Variants in AGBL1 observed in about 807,000 individuals in gnomAD.
The protein encoded by AGBL1 is cytosolic carboxypeptidase 4.
Under a neutral mutation model 118.9 loss-of-function variants are expected in AGBL1, and 130 were observed. That is an observed-to-expected ratio of 1.09 (90% CI 0.95 to 1.26). The LOEUF (loss-of-function observed/expected upper bound fraction) is 1.26, where lower values mean the gene tolerates loss of function less well. AGBL1 is among the 50% of genes most tolerant of loss of function. The probability of loss-of-function intolerance (pLI) is 0.00; values close to 1 mark genes in which losing one functional copy is unlikely to be tolerated. For missense variants in AGBL1, 1,584 were observed against 1,298.1 expected (o/e 1.22, Z -3.38); for synonymous variants, 555 against 478.9 (o/e 1.16, Z -2.08).
Position 86,706,503 on chromosome 15 carries a change from A to G in AGBL1, c.3158+32067A>G, listed in dbSNP as rs184967678. 1.7e-3 allele frequency among the ~76,000 whole-genome samples: 265 copies of G among 152,068 alleles called. 3 individuals are homozygous for G. In the East Asian group the frequency reaches 0.022, roughly 13 times the overall value. On this transcript the variant is annotated intron_variant, in intron 22 of 22. Coordinates refer to ENST00000614907, the MANE Select transcript of AGBL1 (RefSeq NM_001386094.1). ...TGCTAACCTTCTCCCACAACCTTGC[A>G]CTCATCTCCTTGAGAACATATTCTT...
intron 21 of AGBL1, among the ~76,000 whole-genome samples, chr15:86,638,335 G>C (rs1467518139): frequency 6.6e-6 from 1 of 152,174 alleles, no homozygotes; most frequent in Admixed American, 6.5e-5. Context: ...CAATGGTGTG[G>C]GATCTGGCTC....
intron 22 of AGBL1, among the ~76,000 whole-genome samples, chr15:86,895,596 G>A (rs563548696): frequency 1.3e-5 from 2 of 151,982 alleles, no homozygotes; most frequent in East Asian, 3.9e-4. Flanking sequence ...GCATTGACAA[G>A]ACATAATTAA....
At chr15:86,603,471 G>A (rs1025761687) in intron 21 of AGBL1, among the ~76,000 whole-genome samples, 2 of 151,708 alleles carry the variant, frequency 1.3e-5, no homozygotes, top group Non-Finnish European at 2.9e-5. Context: ...CTTGGCTAAA[G>A]GTTAGTGCAA....
At chr15:86,302,081 G>A (rs1036705400) in intron 17 of AGBL1, among the ~76,000 whole-genome samples, 2 of 151,910 alleles carry the variant, frequency 1.3e-5, no homozygotes, top group African/African-American at 4.8e-5. Context: ...GTGTGACATC[G>A]AGGATGGTTG....
At chr15:86,966,435 A>C (rs2081053677) in intron 23 of AGBL1, among the ~76,000 whole-genome samples, 1 of 151,894 alleles carries the variant, frequency 6.6e-6, no homozygotes, top group South Asian at 2.1e-4. Context: ...GTAACTCGTC[A>C]TTTAACATGA....
chr15:86,801,769 T>C (rs1425107645), intron 22 of AGBL1, among the ~76,000 whole-genome samples: 1 of 152,148 alleles, frequency 6.6e-6, no homozygotes, highest in Non-Finnish European at 1.5e-5. Flanking sequence ...GGAGTTATTA[T>C]TAAACCAGTT....
At chr15:86,730,073 T>A (rs989318087) in intron 22 of AGBL1, among the ~76,000 whole-genome samples, 7 of 152,214 alleles carry the variant, frequency 4.6e-5, no homozygotes, top group Non-Finnish European at 8.8e-5. Context: ...TGTCTTCTTT[T>A]GAGAAGTGCC....
intron 1 of AGBL1, among the ~76,000 whole-genome samples, chr15:86,115,830 C>T (rs1897719325): frequency 6.6e-6 from 1 of 152,188 alleles, no homozygotes; most frequent in African/African-American, 2.4e-5. Flanking sequence ...TTCCATGAAA[C>T]TCCAGACTCA....
chr15:86,200,938 T>C (rs1421767278), intron 5 of AGBL1, among the ~76,000 whole-genome samples: 4 of 152,086 alleles, frequency 2.6e-5, no homozygotes, highest in Non-Finnish European at 5.9e-5. Flanking sequence ...TTCTTTAAAT[T>C]GGAAAATAAA....
chr15:86,521,347 C>A (rs1040648853), intron 18 of AGBL1, among the ~76,000 whole-genome samples: 2 of 152,130 alleles, frequency 1.3e-5, no homozygotes, highest in South Asian at 2.1e-4. Flanking sequence ...TAAATTTATT[C>A]TTTCCAAATT....
At chr15:86,890,508 A>T (rs1268042326) in intron 22 of AGBL1, among the ~76,000 whole-genome samples, 1 of 152,022 alleles carries the variant, frequency 6.6e-6, no homozygotes, top group Middle Eastern at 3.2e-3. Context: ...ATTTTCTTCT[A>T]GGGTTTTTAT....
chr15:86,392,136 T>C (rs909259607), intron 17 of AGBL1, among the ~76,000 whole-genome samples: 2 of 152,180 alleles, frequency 1.3e-5, no homozygotes, highest in Admixed American at 6.5e-5. Context: ...TCTGTATGTA[T>C]AGATACCTTT....
At chr15:86,302,772 C>T (rs2079770910) in intron 17 of AGBL1, among the ~76,000 whole-genome samples, 1 of 117,834 alleles carries the variant, frequency 8.5e-6, no homozygotes, top group African/African-American at 3.3e-5. Context: ...GAGTGGGACC[C>T]TGTCTCAAAA....
intron 3 of AGBL1, among the ~76,000 whole-genome samples, chr15:86,152,165 T>C (rs367544837): frequency 9.0e-6 from 1 of 111,174 alleles, no homozygotes; most frequent in Admixed American, 7.9e-5. Flanking sequence ...TGGAAAAAAC[T>C]ATTTTTAAAT....
chr15:86,273,344 C>G (rs2079191775), intron 15 of AGBL1, among the ~76,000 whole-genome samples: 1 of 152,076 alleles, frequency 6.6e-6, no homozygotes, highest in African/African-American at 2.4e-5. Flanking sequence ...AGAAAAAAAC[C>G]ATGAATGTAT....
chr15:86,181,536 G>C (rs1237899364), intron 5 of AGBL1, among the ~76,000 whole-genome samples: 2 of 151,890 alleles, frequency 1.3e-5, no homozygotes, highest in African/African-American at 4.8e-5. Context: ...GAGTAGGAGG[G>C]AGGGATTATA....
chr15:86,197,475 G>T (rs144254039), intron 5 of AGBL1, among the ~76,000 whole-genome samples: 5 of 152,322 alleles, frequency 3.3e-5, no homozygotes, highest in Admixed American at 1.3e-4. Context: ...AATAACTTGG[G>T]TGTTCTAGTG....
At chr15:86,394,451 A>G (rs1024888440) in intron 17 of AGBL1, among the ~76,000 whole-genome samples, 1 of 152,128 alleles carries the variant, frequency 6.6e-6, no homozygotes, top group Non-Finnish European at 1.5e-5. Flanking sequence ...GCACACACGA[A>G]TGCATGTCAT....
intron 23 of AGBL1, among the ~76,000 whole-genome samples, chr15:86,958,220 A>AG (rs1032847441): frequency 2.6e-5 from 4 of 151,414 alleles, no homozygotes; most frequent in African/African-American, 7.3e-5. Flanking sequence ...AAAAAAAAAA[A>AG]AAAAGAAAAG....
Sources: gnomAD v4.1 joint callset for allele counts (sites outside exome capture counted in the v4.1 genomes callset) on GRCh38, gnomAD v4.1.1 for gene constraint, MANE v1.5 for transcripts, NCBI Gene and HGNC (gene_info 2026-07-23, HGNC 2026-07-21) for gene names.